PKP2: variants seen among roughly 807,000 people sequenced by gnomAD.
PKP2 encodes plakophilin-2.
In PKP2, 73 loss-of-function variants were observed where a neutral mutation model predicts 83.4. The observed-to-expected ratio is 0.88, with a 90% confidence interval of 0.72 to 1.06. PKP2 has a LOEUF of 1.06. Ranked by LOEUF, PKP2 falls within the 50% of genes least tolerant of loss-of-function variation. PKP2 has a pLI of 0.00. For missense variants in PKP2, 966 were observed against 1,065.4 expected (o/e 0.91, Z 1.30); for synonymous variants, 409 against 430.4 (o/e 0.95, Z 0.62).
chr12:32,809,231 GC>G (rs1490792003), intron 9 of PKP2, among the ~76,000 whole-genome samples: 2 of 152,116 alleles, frequency 1.3e-5, no homozygotes, highest in Non-Finnish European at 2.9e-5. Flanking sequence ...GTGATTGAAG[GC>G]CCCCCACAGG....
intron 1 of PKP2, among the ~76,000 whole-genome samples, chr12:32,887,882 A>C (rs140860854): frequency 1.4e-3 from 216 of 152,300 alleles, no homozygotes; most frequent in African/African-American, 5.1e-3. Flanking sequence ...GAAGTATCTA[A>C]ATCTGTTCAT....
intron 1 of PKP2, among the ~76,000 whole-genome samples, chr12:32,888,254 T>C (rs1000824270): frequency 1.3e-5 from 2 of 152,200 alleles, no homozygotes; most frequent in African/African-American, 2.4e-5. Context: ...TGCTGAGATA[T>C]CTCATGAGAC....
intron 6 of PKP2, among the ~76,000 whole-genome samples, chr12:32,837,317 C>T (rs936459141): frequency 6.6e-6 from 1 of 152,184 alleles, no homozygotes; most frequent in African/African-American, 2.4e-5. Context: ...ACTCTGTCTA[C>T]TACTAGCCAT....
rs2137831087 is a variant in PKP2 at position 32,841,196 on chromosome 12, C to T, written c.1388G>A (p.Trp463Ter). ...ETKKQITGLLWNLSSNDKLKN... is the reference protein window; with the variant it reads ...ETKKQITGLL ...GAGTTTGTCATTAGATGACAAATTCCACAGCAAACCTAGAAAAGCACAGAG... is the reference window on the plus strand; with the variant it reads ...GAGTTTGTCATTAGATGACAAATTCTACAGCAAACCTAGAAAAGCACAGAG... Residue 463 changes from tryptophan (W) to a stop codon, truncating the protein, a stop_gained, in exon 6 of 13, where the codon TGG becomes TAG. Coordinates refer to ENST00000340811, the MANE Select transcript of PKP2 (RefSeq NM_001005242.3). LOFTEE classifies it high-confidence loss of function. The T allele has an allele frequency of 6.2e-7, 1 of 1,612,818 alleles. No homozygotes were observed. Among genetic ancestry groups the T allele is most frequent in the Non-Finnish European group, 8.5e-7 (1 of 1,179,256 alleles).
chr12:32,837,234 C>G (rs1956551718), intron 6 of PKP2, among the ~76,000 whole-genome samples: 1 of 152,194 alleles, frequency 6.6e-6, no homozygotes, highest in South Asian at 2.1e-4. Flanking sequence ...GGACATGTGA[C>G]AAATACTAAT....
chr12:32,814,570 A>C (rs1956304192), intron 9 of PKP2, among the ~76,000 whole-genome samples: 1 of 152,094 alleles, frequency 6.6e-6, no homozygotes, highest in Non-Finnish European at 1.5e-5. Flanking sequence ...TCAAGTTATC[A>C]ATTCTCTCCT....
At position 32,802,552 on chromosome 12, in the gene PKP2, G is replaced by T; in HGVS notation, c.2018C>A (p.Pro673Gln). The T allele has an allele frequency of 1.9e-6, 3 of 1,613,766 alleles. No individual in the cohort carries two copies. Among genetic ancestry groups the T allele is most frequent in the Non-Finnish European group, 2.5e-6 (3 of 1,179,780 alleles). ...QNLTAGSGPM[P>Q]TSVAQTVVQK... Reference sequence around the variant, plus strand: ...GACAACTGTCTGAGCCACTGATGTCGGCATCTGTTTTGTGAGACATATCCT... The same window carrying T: ...GACAACTGTCTGAGCCACTGATGTCTGCATCTGTTTTGTGAGACATATCCT... Residue 673 changes from proline (P) to glutamine (Q), a missense_variant, in exon 10 of 13, where the codon CCG becomes CAG. By Grantham distance (76) the Pro-to-Gln change is moderately conservative. Transcript: ENST00000340811.
intron 9 of PKP2, among the ~76,000 whole-genome samples, chr12:32,806,138 A>G (rs975900672): frequency 3.3e-5 from 5 of 152,162 alleles, no homozygotes; most frequent in Non-Finnish European, 4.4e-5. Context: ...GGATTTTTGT[A>G]TCTATGTTCA....
At position 32,850,872 on chromosome 12, in the gene PKP2, A is replaced by G. The variant is rs1164276244; in HGVS notation, c.1272T>C (p.Phe424=). Reference sequence around the variant, plus strand: ...CCTCCAATTTGTTGTCATTGTCTTCAAATACTAAGTTTCTCAAGGCCCCAC... The same window carrying G: ...CCTCCAATTTGTTGTCATTGTCTTCGAATACTAAGTTTCTCAAGGCCCCAC... ...AVCGALRNLV[F]EDNDNKLEVA... is the part of the protein sequence containing the mutation. Residue 424 remains phenylalanine, a synonymous_variant, in exon 5 of 13, where the codon TTT becomes TTC. Coordinates refer to ENST00000340811, the MANE Select transcript of PKP2 (RefSeq NM_001005242.3). 2 of 1,613,872 alleles carry G rather than the reference A, an allele frequency of 1.2e-6. No individual in the cohort carries two copies. Among genetic ancestry groups the G allele is most frequent in the Non-Finnish European group, 1.7e-6 (2 of 1,179,902 alleles).
At chr12:32,829,798 T>C (rs909121137) in intron 6 of PKP2, among the ~76,000 whole-genome samples, 4 of 152,092 alleles carry the variant, frequency 2.6e-5, no homozygotes, top group African/African-American at 7.2e-5. Flanking sequence ...GTAGCTGGGA[T>C]CACAAGTGTG....
chr12:32,868,898 C>CT (rs777041632), intron 4 of PKP2, 29 bp downstream of exon 4: 2 of 1,609,838 alleles, frequency 1.2e-6, no homozygotes, highest in South Asian at 2.2e-5. Context: ...GTGTGTTGCG[C>CT]TTTGCAATGG....
At chr12:32,876,678 C>T (rs982214814) in intron 3 of PKP2, among the ~76,000 whole-genome samples, 2 of 152,126 alleles carry the variant, frequency 1.3e-5, no homozygotes, top group African/African-American at 2.4e-5. Flanking sequence ...CACACGTGCA[C>T]ACAACCACAC....
chr12:32,866,257 T>C (rs1956847760), intron 4 of PKP2, among the ~76,000 whole-genome samples: 1 of 152,010 alleles, frequency 6.6e-6, no homozygotes, highest in Non-Finnish European at 1.5e-5. Flanking sequence ...AATAAACACA[T>C]AAAGAGATGT....
chr12:32,812,542 G>A (rs1040873962), intron 9 of PKP2, among the ~76,000 whole-genome samples: 11 of 151,854 alleles, frequency 7.2e-5, no homozygotes, highest in South Asian at 2.1e-4. Flanking sequence ...TCGCTCTGTC[G>A]CCCAGGCTGG....
intron 8 of PKP2, 177 bp from the exon 9 acceptor site, chr12:32,821,706 C>G: frequency 1.6e-6 from 1 of 612,460 alleles, no homozygotes. Flanking sequence ...TAACTTTTAG[C>G]CCATAATGAT....
intron 4 of PKP2, among the ~76,000 whole-genome samples, 197 bp from the exon 5 acceptor site, chr12:32,851,170 A>T (rs1459828263): frequency 6.6e-6 from 1 of 152,220 alleles, no homozygotes; most frequent in Non-Finnish European, 1.5e-5. Flanking sequence ...AACTTATAGT[A>T]CATTTGGGAA....
At chr12:32,804,331 A>C (rs1178469692) in intron 9 of PKP2, among the ~76,000 whole-genome samples, 2 of 152,138 alleles carry the variant, frequency 1.3e-5, no homozygotes, top group African/African-American at 4.8e-5. Context: ...TCAGGGGTAC[A>C]TGTGTAGGAT....
At chr12:32,801,276 C>T (rs578096032) in intron 10 of PKP2, among the ~76,000 whole-genome samples, 2 of 152,238 alleles carry the variant, frequency 1.3e-5, no homozygotes, top group East Asian at 1.9e-4. Context: ...TGTTATTTAC[C>T]TTGGTGGTGT....
chr12:32,851,005 T>C, intron 4 of PKP2, 32 bp from the exon 5 acceptor site: 1 of 1,563,556 alleles, frequency 6.4e-7, no homozygotes, highest in Non-Finnish European at 8.8e-7. Context: ...ATTTCTAATA[T>C]TAATTTTGAT....
Sources: allele counts gnomAD v4.1 joint callset (sites outside exome capture counted in the v4.1 genomes callset), GRCh38; gene constraint gnomAD v4.1.1; transcripts MANE v1.5; gene names NCBI Gene and HGNC (gene_info 2026-07-23, HGNC 2026-07-21).